Variants in OR5H15 observed in about 807,000 individuals in gnomAD.
OR5H15 encodes olfactory receptor family 5 subfamily H member 15, also known as olfactory receptor 5H15.
For synonymous variants in OR5H15, 153 were observed against 129.1 expected, an observed-to-expected ratio of 1.19 and a Z score of -1.26; for missense variants, 405 against 366.1, an observed-to-expected ratio of 1.11 and a Z score of -0.87.
chr3:98,169,313 C>T lies in OR5H15; in HGVS notation c.614C>T (p.Ser205Leu), dbSNP rs764096981. 3 of 1,611,934 alleles carry T rather than the reference C, an allele frequency of 1.9e-6. No homozygotes were observed. The highest frequency in any genetic ancestry group is 2.5e-6 in the Non-Finnish European group (3 of 1,178,658). Residue 205 changes from serine (S) to leucine (L), a missense_variant, in exon 2 of 2, where the codon TCA becomes TTA. Physicochemically the swap from Ser to Leu is moderately radical, Grantham distance 145 (BLOSUM62 -2). Transcript: ENST00000641450. ...NFLMVFIFSG[S>L]IQVFSIVTIL... is the part of the protein sequence containing the mutation. ...CTAATGGTTTTTATTTTCTCAGGTT[C>T]AATTCAGGTATTCAGCATTGTGACT...
At position 98,169,505 on chromosome 3, in the gene OR5H15, G is replaced by A. The variant is rs140624782; in HGVS notation, c.806G>A (p.Gly269Asp). ...YVGPASPQAD[G>D]QNMVEPLFYT... Reference sequence around the variant, plus strand: ...GGCCCTGCATCTCCGCAAGCAGATGGTCAAAATATGGTGGAGCCTCTATTC... The same window carrying A: ...GGCCCTGCATCTCCGCAAGCAGATGATCAAAATATGGTGGAGCCTCTATTC... The change falls in exon 2 of 2, where the codon GGT becomes GAT. Residue 269 changes from glycine (G) to aspartate (D), a missense_variant. By Grantham distance (94) the Gly-to-Asp change is moderately conservative. Transcript: ENST00000641450. 64 of 1,613,270 alleles carry A rather than the reference G, an allele frequency of 4.0e-5. No homozygotes were observed. Among genetic ancestry groups the A allele is most frequent in the African/African-American group, 9.3e-5 (7 of 74,868 alleles).
In OR5H15 at chr3:98,168,990, C is replaced by A. The variant is rs544680423; in HGVS notation, c.291C>A (p.Cys97Ter). The A allele has an allele frequency of 6.2e-7, 1 of 1,613,448 alleles. No individual in the cohort carries two copies. The highest frequency in any genetic ancestry group is 1.1e-5 in the South Asian group (1 of 91,032). The change falls in exon 2 of 2, where the codon TGC becomes TGA. Residue 97 changes from cysteine to a stop codon, truncating the protein, a stop_gained. Transcript: ENST00000641450. LOFTEE classifies it low-confidence loss of function (END_TRUNC). ...AKSKMISLSE[C>*]KIQFFSIAIG... ...GTAAGATGATATCTCTCTCTGAATG[C>A]AAGATACAATTTTTTTCCATTGCAA...
At position 98,168,838 on chromosome 3, in the gene OR5H15, G is replaced by T. The variant is rs548942009; in HGVS notation, c.139G>T (p.Ala47Ser). Residue 47 changes from alanine (A) to serine (S), a missense_variant, in exon 2 of 2, where the codon GCT (alanine) becomes TCT (serine). Physicochemically the swap from Ala to Ser is moderately conservative, Grantham distance 99. Transcript: ENST00000641450. ...CATCATGGGGAATCTTGGTCTGATT[G>T]CTGTCATCTGGAAAGACCCTCACCT... The part of the protein sequence containing the change: ...ITIMGNLGLI[A>S]VIWKDPHLHI... 9 of 1,613,424 alleles carry T rather than the reference G, an allele frequency of 5.6e-6. No individual in the cohort carries two copies. In the Admixed American group the frequency reaches 1.2e-4, roughly 21 times the overall value.
At chr3:98,168,553 A>G in intron 1 of OR5H15, 129 bp from the exon 2 acceptor site, 1 of 972,708 alleles carries the variant, frequency 1.0e-6, no homozygotes, top group Non-Finnish European at 1.5e-6. Flanking sequence ...ACAATTCATC[A>G]GTTGTAGGAC....
rs756042006 is a variant in OR5H15, at chr3:98,169,653, T to C, written c.*12T>C. On this transcript the variant is annotated 3_prime_UTR_variant, in exon 2 of 2. Coordinates refer to ENST00000641450, the MANE Select transcript of OR5H15 (RefSeq NM_001005515.2). ...AGGTTTCATACTAATATCCTTTTTC[T>C]ATTTACTAAAATAGTCACAAAATTA... The C allele has an allele frequency of 1.2e-5, 18 of 1,550,388 alleles. No individual in the cohort carries two copies. The highest frequency in any genetic ancestry group is 2.3e-5 in the East Asian group (1 of 44,166).
rs1030526832 is a variant in OR5H15, at chr3:98,166,732, G to A, written c.-118G>A. ...CAAAAAGCATGAGTACGTAATGAAT[G>A]GCTACCTGTGTTATTGACATTGCTG... On this transcript the variant is annotated 5_prime_UTR_variant, in exon 1 of 2. The change abolishes an upstream ATG in the 5' untranslated region. Coordinates refer to ENST00000641450, the MANE Select transcript of OR5H15 (RefSeq NM_001005515.2). 8 of 152,182 alleles carry A rather than the reference G, an allele frequency of 5.3e-5. No homozygotes were observed. The highest frequency in any genetic ancestry group is 5.9e-5 in the Non-Finnish European group (4 of 68,010). The allele number at this position is 152,182 out of a possible 1,614,324, so 9.4% of individuals were successfully genotyped here. A position where few individuals can be genotyped will look rare whatever the true frequency, so the allele number is the denominator to read the frequency against.
chr3:98,166,914 C>T (rs1405596207), intron 1 of OR5H15, 83 bp downstream of exon 1: 3 of 152,106 alleles, frequency 2.0e-5, no homozygotes, highest in Admixed American at 6.6e-5. Flanking sequence ...AATTTTAGAT[C>T]GGGTATACAA....
Position 98,169,742 on chromosome 3 carries a change from A to G in OR5H15, c.*101A>G, listed in dbSNP as rs915479347. On this transcript the variant is annotated 3_prime_UTR_variant, in exon 2 of 2. Coordinates refer to ENST00000641450, the MANE Select transcript of OR5H15 (RefSeq NM_001005515.2). Reference sequence around the variant, plus strand: ...ACATTTTTGCAAGTATAACTGTCCTAGCACTTTAATGACCTAACATTTTAG... The same window carrying G: ...ACATTTTTGCAAGTATAACTGTCCTGGCACTTTAATGACCTAACATTTTAG... 6.0e-6 allele frequency: 5 copies of G among 830,042 alleles called. No individual in the cohort carries two copies. In the African/African-American group the frequency reaches 8.4e-5, roughly 14 times the overall value. The allele number at this position is 830,042 out of a possible 1,614,324, so 51.4% of individuals were successfully genotyped here. A position where few individuals can be genotyped will look rare whatever the true frequency, so the allele number is the denominator to read the frequency against.
Position 98,169,254 on chromosome 3 carries a change from T to G in OR5H15, c.555T>G (p.Ser185=), listed in dbSNP as rs1477669615. 3.1e-6 allele frequency: 5 copies of G among 1,611,304 alleles called. No homozygotes were observed. The highest frequency in any genetic ancestry group is 4.2e-6 in the Non-Finnish European group (5 of 1,178,198). Residue 185 remains serine, a synonymous_variant, in exon 2 of 2, where the codon TCT becomes TCG. Coordinates refer to ENST00000641450, the MANE Select transcript of OR5H15 (RefSeq NM_001005515.2). The part of the protein sequence containing the change: ...HHIYCDTIPL[S]KISCTDSSIN... ...TTTACTGTGACACTATCCCATTGTC[T>G]AAGATTTCTTGTACTGATTCTTCTA...
rs753978686 is a variant in OR5H15, at chr3:98,169,225, C to A, written c.526C>A (p.His176Asn). The A allele has an allele frequency of 6.2e-6, 10 of 1,610,956 alleles. No individual in the cohort carries two copies. The highest frequency in any genetic ancestry group is 8.5e-6 in the Non-Finnish European group (10 of 1,177,816). ...LTFCNSNIVH[H>N]IYCDTIPLSK... ...CTTCTGTAACTCCAACATAGTACAT[C>A]ACATTTACTGTGACACTATCCCATT... Residue 176 changes from histidine to asparagine, a missense_variant, in exon 2 of 2, where the codon CAC becomes AAC. His to Asn is a moderately conservative substitution (Grantham distance 68). Transcript: ENST00000641450.
Position 98,169,127 on chromosome 3 carries a change from G to A in OR5H15, c.428G>A (p.Arg143Gln), listed in dbSNP as rs758326532. The change falls in exon 2 of 2, where the codon CGG becomes CAG. Residue 143 changes from arginine to glutamine, a missense_variant. Arg to Gln is a conservative substitution (Grantham distance 43). Coordinates refer to ENST00000641450, the MANE Select transcript of OR5H15 (RefSeq NM_001005515.2). ...PAIMTNGLCI[R>Q]LLILSYIAGI... ...ATTATGACCAATGGACTGTGCATCC[G>A]GCTATTAATCTTGTCATATATAGCT... 4.1e-5 allele frequency: 66 copies of A among 1,613,298 alleles called. No homozygotes were observed. The highest frequency in any genetic ancestry group is 4.0e-4 in the Admixed American group (24 of 59,924).
rs551039959 is a variant in OR5H15 at position 98,169,650 on chromosome 3, T to A, written c.*9T>A. ...TTAAGGTTTCATACTAATATCCTTT[T>A]TCTATTTACTAAAATAGTCACAAAA... On this transcript the variant is annotated 3_prime_UTR_variant, in exon 2 of 2. Coordinates refer to ENST00000641450, the MANE Select transcript of OR5H15 (RefSeq NM_001005515.2). 11 of 1,552,860 alleles carry A rather than the reference T, an allele frequency of 7.1e-6. No individual in the cohort carries two copies. Among genetic ancestry groups the A allele is most frequent in the African/African-American group, 1.4e-5 (1 of 73,324 alleles).
Position 98,169,335 on chromosome 3 carries a change from G to C in OR5H15, c.636G>C (p.Val212=). ...GTTCAATTCAGGTATTCAGCATTGT[G>C]ACTATTCTTATATCTTACACATTTG... ...FSGSIQVFSI[V]TILISYTFVL... is the part of the protein sequence containing the mutation. Residue 212 remains valine, a synonymous_variant, in exon 2 of 2, where the codon GTG becomes GTC. Transcript: ENST00000641450. 1 of 1,612,808 alleles carries C rather than the reference G, an allele frequency of 6.2e-7. No individual in the cohort carries two copies. The highest frequency in any genetic ancestry group is 8.5e-7 in the Non-Finnish European group (1 of 1,179,222).
chr3:98,168,432 A>T (rs1167183522), intron 1 of OR5H15, among the ~76,000 whole-genome samples: 1 of 152,084 alleles, frequency 6.6e-6, no homozygotes, highest in Admixed American at 6.6e-5. Context: ...AATAGTGTCC[A>T]TATAAATGTA....
chr3:98,168,188 G>A (rs796524611), intron 1 of OR5H15, among the ~76,000 whole-genome samples: 5 of 152,080 alleles, frequency 3.3e-5, no homozygotes, highest in African/African-American at 1.2e-4. Flanking sequence ...ATATCCCTGA[G>A]TCCAGTTTCC....
In OR5H15 at chr3:98,169,653, T is replaced by A; in HGVS notation, c.*12T>A. 1.9e-6 allele frequency: 3 copies of A among 1,550,388 alleles called. No homozygotes were observed. Among genetic ancestry groups the A allele is most frequent in the Non-Finnish European group, 2.7e-6 (3 of 1,131,208 alleles). ...AGGTTTCATACTAATATCCTTTTTC[T>A]ATTTACTAAAATAGTCACAAAATTA... On this transcript the variant is annotated 3_prime_UTR_variant, in exon 2 of 2. Coordinates refer to ENST00000641450, the MANE Select transcript of OR5H15 (RefSeq NM_001005515.2).
chr3:98,168,314 A>C (rs1398880343), intron 1 of OR5H15, among the ~76,000 whole-genome samples: 1 of 152,098 alleles, frequency 6.6e-6, no homozygotes, highest in Non-Finnish European at 1.5e-5. Context: ...ATAAAGCTTA[A>C]GATTCTTCAT....
chr3:98,169,330 A>C lies in OR5H15; in HGVS notation c.631A>C (p.Ile211Leu). ...IFSGSIQVFS[I>L]VTILISYTFV... ...CTCAGGTTCAATTCAGGTATTCAGC[A>C]TTGTGACTATTCTTATATCTTACAC... Residue 211 changes from isoleucine to leucine, a missense_variant, in exon 2 of 2, where the codon ATT becomes CTT. Physicochemically the swap from Ile to Leu is conservative, Grantham distance 5. Transcript: ENST00000641450. The C allele has an allele frequency of 6.2e-7, 1 of 1,612,696 alleles. No individual in the cohort carries two copies.
Position 98,168,867 on chromosome 3 carries a change from T to C in OR5H15, c.168T>C (p.His56=). Residue 56 remains histidine, a synonymous_variant, in exon 2 of 2, where the codon CAT becomes CAC. Coordinates refer to ENST00000641450, the MANE Select transcript of OR5H15 (RefSeq NM_001005515.2). ...IAVIWKDPHL[H]IPMYLLLGNL... is the part of the protein sequence containing the mutation. ...TCATCTGGAAAGACCCTCACCTTCATATCCCAATGTACTTACTCCTTGGGA... is the reference window on the plus strand; with the variant it reads ...TCATCTGGAAAGACCCTCACCTTCACATCCCAATGTACTTACTCCTTGGGA... The C allele has an allele frequency of 6.2e-7, 1 of 1,613,468 alleles. No homozygotes were observed. Among genetic ancestry groups the C allele is most frequent in the Non-Finnish European group, 8.5e-7 (1 of 1,179,564 alleles).
Sources: gnomAD v4.1 joint callset for allele counts (sites outside exome capture counted in the v4.1 genomes callset) on GRCh38, gnomAD v4.1.1 for gene constraint, MANE v1.5 for transcripts, NCBI Gene and HGNC (gene_info 2026-07-23, HGNC 2026-07-21) for gene names.